PTPN13: variants seen among roughly 807,000 people sequenced by gnomAD.
PTPN13 encodes the protein tyrosine-protein phosphatase non-receptor type 13.
A neutral mutation model predicts 284.0 loss-of-function variants in PTPN13; 191 were observed. The ratio of observed to expected loss-of-function variants is 0.67; its 90% CI spans 0.60 to 0.76. The LOEUF is 0.76. PTPN13 is among the 30% of genes least tolerant of loss of function. The probability of loss-of-function intolerance (pLI) is 0.00; values close to 1 mark genes in which losing one functional copy is unlikely to be tolerated. For missense variants in PTPN13, 2,797 were observed against 2,939.9 expected, an observed-to-expected ratio of 0.95 and a Z score of 1.12; for synonymous variants, 986 against 1,022.3, an observed-to-expected ratio of 0.96 and a Z score of 0.68.
chr4:86,613,633 C>CAAAAAAAAAAAAAAAAAAAAAAA (rs544971012), intron 1 of PTPN13, among the ~76,000 whole-genome samples: 27 of 61,508 alleles, frequency 4.4e-4, no homozygotes, highest in African/African-American at 1.3e-3. Flanking sequence ...GACTCCGTCT[C>CAAAAAAAAAAAAAAAAAAAAAAA]AAAAAAAAAA....
chr4:86,631,499 G>T (rs1022700291), intron 1 of PTPN13, among the ~76,000 whole-genome samples: 3 of 151,992 alleles, frequency 2.0e-5, no homozygotes, highest in Non-Finnish European at 2.9e-5. Context: ...TTAGAATGAG[G>T]CAGTTTTAAA....
intron 2 of PTPN13, among the ~76,000 whole-genome samples, chr4:86,641,359 C>G (rs925559285): frequency 3.3e-5 from 5 of 151,842 alleles, no homozygotes; most frequent in Admixed American, 3.3e-4. Flanking sequence ...TGAACTTGTA[C>G]GTTGTTCCTG....
chr4:86,749,073 A>G (rs1308573035), intron 17 of PTPN13, among the ~76,000 whole-genome samples: 1 of 152,174 alleles, frequency 6.6e-6, no homozygotes, highest in Non-Finnish European at 1.5e-5. Flanking sequence ...CCTAGTGACA[A>G]TGAGGCATGT....
chr4:86,701,564 A>G lies in PTPN13; in HGVS notation c.958A>G (p.Thr320Ala). Residue 320 changes from threonine (T) to alanine (A), a missense_variant, in exon 7 of 48, where the codon ACA (threonine) becomes GCA (alanine). Coordinates refer to ENST00000411767, the MANE Select transcript of PTPN13 (RefSeq NM_080683.3). ...AGACTTCTCTTCAGGAGAGACTGCC[A>G]CATATCGTCGTTGTCACCCTGAGGC... The part of the protein sequence containing the change: ...DRDFSSGETA[T>A]YRRCHPEAVT... The G allele has an allele frequency of 6.2e-7, 1 of 1,613,856 alleles. No individual in the cohort carries two copies. The highest frequency in any genetic ancestry group is 1.1e-5 in the South Asian group (1 of 91,072).
At chr4:86,598,481 C>T (rs1227915390) in intron 1 of PTPN13, among the ~76,000 whole-genome samples, 1 of 152,136 alleles carries the variant, frequency 6.6e-6, no homozygotes. Flanking sequence ...TTAATATGTG[C>T]AAATGTGGTT....
At chr4:86,725,975 C>T (rs989376924) in intron 10 of PTPN13, among the ~76,000 whole-genome samples, 1 of 149,566 alleles carries the variant, frequency 6.7e-6, no homozygotes, top group African/African-American at 2.4e-5. Context: ...GTCCTTAATC[C>T]ATTGTGAATT....
intron 43 of PTPN13, 144 bp downstream of exon 43, chr4:86,804,001 A>G (rs1259598610): frequency 1.2e-6 from 1 of 845,338 alleles, no homozygotes; most frequent in Non-Finnish European, 1.8e-6. Context: ...CTAGCAGAAA[A>G]TTAATTTTTC....
At chr4:86,730,866 A>T (rs1397344377) in intron 10 of PTPN13, among the ~76,000 whole-genome samples, 1 of 152,126 alleles carries the variant, frequency 6.6e-6, no homozygotes, top group Non-Finnish European at 1.5e-5. Flanking sequence ...GGAAATGCAG[A>T]AATCACCCGT....
chr4:86,738,119 A>G (rs1004316118), intron 15 of PTPN13, among the ~76,000 whole-genome samples: 2 of 152,036 alleles, frequency 1.3e-5, no homozygotes, highest in African/African-American at 4.8e-5. Context: ...TTGTGCAGAT[A>G]CATAATTTGC....
chr4:86,777,816 T>C (rs1740832170), intron 35 of PTPN13, among the ~76,000 whole-genome samples: 1 of 152,230 alleles, frequency 6.6e-6, no homozygotes, highest in Non-Finnish European at 1.5e-5. Flanking sequence ...TTCCTTCATA[T>C]ATGTCTAAAA....
At chr4:86,789,153 T>C (rs573645562) in intron 40 of PTPN13, among the ~76,000 whole-genome samples, 1 of 152,280 alleles carries the variant, frequency 6.6e-6, no homozygotes, top group East Asian at 1.9e-4. Context: ...ATAGGCAAGG[T>C]ATTAGTTCAT....
chr4:86,762,604 CTA>C (rs1738822363), intron 23 of PTPN13, 121 bp from the exon 24 acceptor site: 2 of 748,566 alleles, frequency 2.7e-6, no homozygotes, highest in South Asian at 3.8e-5. Context: ...AACACATGAC[CTA>C]ATGGTGTTTT....
intron 37 of PTPN13, among the ~76,000 whole-genome samples, chr4:86,783,758 TTTTAA>T (rs1251644368): frequency 2.6e-5 from 4 of 152,118 alleles, no homozygotes; most frequent in Non-Finnish European, 5.9e-5. Context: ...TATAAAATTA[TTTTAA>T]TTTATTCCAA....
intron 30 of PTPN13, 118 bp downstream of exon 30, chr4:86,770,317 T>G: frequency 1.2e-6 from 1 of 857,546 alleles, no homozygotes; most frequent in Non-Finnish European, 1.9e-6. Flanking sequence ...TAGCTACTTG[T>G]TTTAGGTAGG....
At chr4:86,801,414 T>G (rs1411545122) in intron 42 of PTPN13, among the ~76,000 whole-genome samples, 1 of 152,220 alleles carries the variant, frequency 6.6e-6, no homozygotes, top group African/African-American at 2.4e-5. Context: ...TAATTTTTTG[T>G]AATGAGTTCC....
intron 10 of PTPN13, among the ~76,000 whole-genome samples, chr4:86,729,226 C>T (rs1734670833): frequency 1.3e-5 from 2 of 149,772 alleles, no homozygotes; most frequent in South Asian, 4.2e-4. Context: ...GTCTGATGGG[C>T]TTCCCTTTGT....
intron 6 of PTPN13, 105 bp from the exon 7 acceptor site, chr4:86,701,136 G>T: frequency 1.3e-6 from 1 of 795,572 alleles, no homozygotes; most frequent in Non-Finnish European, 1.9e-6. Context: ...TCTTCCATTT[G>T]GAGCATTTAG....
intron 10 of PTPN13, among the ~76,000 whole-genome samples, chr4:86,726,959 T>C (rs1009201312): frequency 6.7e-6 from 1 of 149,514 alleles, no homozygotes; most frequent in African/African-American, 2.4e-5. Flanking sequence ...TTGTCGTAAA[T>C]AGCATTTATT....
chr4:86,771,675 T>A (rs896852659), intron 31 of PTPN13, 140 bp downstream of exon 31: 50 of 942,848 alleles, frequency 5.3e-5, no homozygotes, highest in Non-Finnish European at 7.2e-5. Context: ...CTCTATTGGA[T>A]GTCTAGCTAT....
Sources: allele counts gnomAD v4.1 joint callset (sites outside exome capture counted in the v4.1 genomes callset), GRCh38; gene constraint gnomAD v4.1.1; transcripts MANE v1.5; gene names NCBI Gene and HGNC (gene_info 2026-07-23, HGNC 2026-07-21).